The following SLC4A4 variants were observed in gnomAD, a reference collection of about 807,000 sequenced individuals.
SLC4A4 encodes the protein electrogenic sodium bicarbonate cotransporter 1.
SLC4A4 carries 27 observed loss-of-function variants against 111.5 expected under a neutral mutation model. That is an observed-to-expected ratio of 0.24 (90% CI 0.18 to 0.33). The LOEUF is 0.33. SLC4A4 is among the 10% of genes least tolerant of loss of function. SLC4A4 has a pLI of 1.00. For missense variants in SLC4A4, 909 were observed against 1,315.5 expected (o/e 0.69, Z 4.78); for synonymous variants, 443 against 463.4 (o/e 0.96, Z 0.57).
At chr4:71,169,509 A>ATG (rs1744880013) in intron 2 of SLC4A4, among the ~76,000 whole-genome samples, 1 of 152,084 alleles carries the variant, frequency 6.6e-6, no homozygotes. Context: ...CTTTTGAGAA[A>ATG]AGTGTATTTA....
chr4:71,233,162 C>A, intron 1 of SLC4A4: 1 of 500,908 alleles, frequency 2.0e-6, no homozygotes, highest in Non-Finnish European at 2.6e-6. Context: ...GCATTAGGCA[C>A]CTTGTCTGTC....
At chr4:71,348,031 G>A (rs1264151625) in intron 4 of SLC4A4, among the ~76,000 whole-genome samples, 1 of 151,906 alleles carries the variant, frequency 6.6e-6, no homozygotes, top group African/African-American at 2.4e-5. Context: ...ATAAATTATA[G>A]CATCATATAT....
intron 7 of SLC4A4, among the ~76,000 whole-genome samples, chr4:71,405,429 T>C (rs1720752377): frequency 6.6e-6 from 1 of 152,182 alleles, no homozygotes; most frequent in African/African-American, 2.4e-5. Context: ...ACCTACCTTA[T>C]TCTTCTTAAA....
intron 17 of SLC4A4, 38 bp from the exon 18 acceptor site, chr4:71,534,188 CT>C: frequency 6.2e-7 from 1 of 1,602,566 alleles, no homozygotes; most frequent in South Asian, 1.1e-5. Context: ...ATATATTAAC[CT>C]GATAATTTTC....
intron 2 of SLC4A4, among the ~76,000 whole-genome samples, chr4:71,106,490 A>T (rs1156802524): frequency 1.4e-5 from 2 of 146,430 alleles, no homozygotes; most frequent in East Asian, 4.1e-4. Flanking sequence ...TTATTGTGGC[A>T]TTATTCACAA....
chr4:71,423,348 C>T (rs1203768795), intron 7 of SLC4A4, among the ~76,000 whole-genome samples: 1 of 152,078 alleles, frequency 6.6e-6, no homozygotes, highest in Admixed American at 6.5e-5. Flanking sequence ...AGGATACAAA[C>T]AAATGGAAGA....
At chr4:71,219,773 C>T (rs1718636366) in intron 1 of SLC4A4, among the ~76,000 whole-genome samples, 1 of 54,234 alleles carries the variant, frequency 1.8e-5, no homozygotes, top group South Asian at 7.5e-4. Flanking sequence ...GATTCTAATC[C>T]TTATGGGTGA....
At chr4:71,088,114 G>A (rs2148938651) in intron 1 of SLC4A4, among the ~76,000 whole-genome samples, 1 of 152,004 alleles carries the variant, frequency 6.6e-6, no homozygotes, top group Admixed American at 6.6e-5. Flanking sequence ...ATATATTTAG[G>A]ATAGTTAGCT....
chr4:71,420,031 A>G (rs1722269442), intron 7 of SLC4A4, among the ~76,000 whole-genome samples: 2 of 152,140 alleles, frequency 1.3e-5, no homozygotes, highest in South Asian at 4.1e-4. Flanking sequence ...TCAGACGATC[A>G]AACAACGAGC....
intron 2 of SLC4A4, among the ~76,000 whole-genome samples, chr4:71,130,331 G>A (rs1442055328): frequency 4.6e-5 from 7 of 152,020 alleles, no homozygotes; most frequent in Admixed American, 2.0e-4. Flanking sequence ...CTGAAGTTAA[G>A]CAATTCTACC....
intron 3 of SLC4A4, among the ~76,000 whole-genome samples, chr4:71,309,471 A>G (rs917865118): frequency 2.6e-5 from 4 of 152,058 alleles, no homozygotes; most frequent in African/African-American, 9.7e-5. Context: ...CACCTCATAC[A>G]GGAGGAAGGA....
chr4:71,541,808 A>C (rs1333450452), intron 18 of SLC4A4, among the ~76,000 whole-genome samples: 1 of 152,078 alleles, frequency 6.6e-6, no homozygotes, highest in Non-Finnish European at 1.5e-5. Context: ...AAGGATGAGA[A>C]TCTGAAAAAG....
intron 6 of SLC4A4, among the ~76,000 whole-genome samples, chr4:71,395,587 A>T (rs1346851216): frequency 1.3e-5 from 2 of 152,316 alleles, no homozygotes; most frequent in East Asian, 3.9e-4. Flanking sequence ...AAAAGCTGTC[A>T]CATCAATCAA....
At chr4:71,514,230 G>A (rs932855083) in intron 16 of SLC4A4, among the ~76,000 whole-genome samples, 2 of 152,110 alleles carry the variant, frequency 1.3e-5, no homozygotes, top group African/African-American at 2.4e-5. Context: ...GTCAGAGGTG[G>A]GGTTGGATTA....
intron 1 of SLC4A4, among the ~76,000 whole-genome samples, chr4:71,080,205 C>T (rs904300475): frequency 3.9e-5 from 6 of 152,070 alleles, no homozygotes; most frequent in African/African-American, 7.3e-5. Context: ...TCTGTCACTG[C>T]GACGCTATGT....
chr4:71,078,640 G>A (rs1741911796), intron 1 of SLC4A4, among the ~76,000 whole-genome samples: 1 of 152,060 alleles, frequency 6.6e-6, no homozygotes, highest in African/African-American at 2.4e-5. Context: ...CAATCTGGGG[G>A]CACACTGAGG....
chr4:71,236,765 A>G, intron 2 of SLC4A4, 116 bp downstream of exon 2: 4 of 846,598 alleles, frequency 4.7e-6, no homozygotes, highest in Non-Finnish European at 7.7e-6. Context: ...AACCTTTTCT[A>G]TAGAGTTTCA....
At chr4:71,537,579 T>C (rs1293714147) in intron 18 of SLC4A4, among the ~76,000 whole-genome samples, 2 of 151,966 alleles carry the variant, frequency 1.3e-5, no homozygotes, top group African/African-American at 2.4e-5. Flanking sequence ...CTAAACCCAA[T>C]TGTAGAGTTG....
intron 1 of SLC4A4, among the ~76,000 whole-genome samples, chr4:71,068,239 A>G (rs1440073669): frequency 6.6e-6 from 1 of 151,220 alleles, no homozygotes; most frequent in Non-Finnish European, 1.5e-5. Context: ...TAATTTTTGT[A>G]TTTTTAGTAG....
Sources: allele counts gnomAD v4.1 joint callset (sites outside exome capture counted in the v4.1 genomes callset), GRCh38; gene constraint gnomAD v4.1.1; transcripts MANE v1.5; gene names NCBI Gene and HGNC (gene_info 2026-07-23, HGNC 2026-07-21).